Variants in LRP1B observed in about 807,000 individuals in gnomAD.
LRP1B encodes the protein LDL receptor related protein 1B.
Under a neutral mutation model 556.6 loss-of-function variants are expected in LRP1B, and 217 were observed. The ratio of observed to expected loss-of-function variants is 0.39; its 90% CI spans 0.35 to 0.44. The LOEUF is 0.44. LRP1B is among the 20% of genes least tolerant of loss of function. The probability of loss-of-function intolerance (pLI) is 1.00; values close to 1 mark genes in which losing one functional copy is unlikely to be tolerated. For synonymous variants in LRP1B, 2,047 were observed against 1,865.8 expected, an observed-to-expected ratio of 1.10 and a Z score of -2.50; for missense variants, 5,053 against 5,620.8, an observed-to-expected ratio of 0.90 and a Z score of 3.23.
At chr2:140,894,844 G>A (rs1693904115) in intron 23 of LRP1B, among the ~76,000 whole-genome samples, 1 of 151,832 alleles carries the variant, frequency 6.6e-6, no homozygotes, top group South Asian at 2.1e-4. Context: ...TCAGGAGGCT[G>A]AAGGACGAGA....
intron 2 of LRP1B, among the ~76,000 whole-genome samples, chr2:141,724,736 T>C (rs1692965993): frequency 6.6e-6 from 1 of 151,956 alleles, no homozygotes; most frequent in Admixed American, 6.6e-5. Flanking sequence ...AAAGTAAAAA[T>C]GATAACGAGA....
At chr2:141,851,160 G>T (rs138078093) in intron 1 of LRP1B, among the ~76,000 whole-genome samples, 1 of 151,704 alleles carries the variant, frequency 6.6e-6, no homozygotes, top group African/African-American at 2.4e-5. Context: ...AATCACTGGC[G>T]TATATTCATT....
At chr2:140,949,462 C>T (rs1695639286) in intron 20 of LRP1B, among the ~76,000 whole-genome samples, 2 of 152,150 alleles carry the variant, frequency 1.3e-5, no homozygotes, top group African/African-American at 4.8e-5. Flanking sequence ...TAATCTCCTT[C>T]CTTTCTTAGC....
intron 2 of LRP1B, among the ~76,000 whole-genome samples, chr2:141,681,582 T>C (rs1361661717): frequency 6.6e-6 from 1 of 152,154 alleles, no homozygotes; most frequent in East Asian, 1.9e-4. Context: ...TATGTGATAT[T>C]TGGATTTCCT....
chr2:141,387,091 T>C (rs1444833182), intron 3 of LRP1B, among the ~76,000 whole-genome samples: 2 of 151,878 alleles, frequency 1.3e-5, no homozygotes, highest in Non-Finnish European at 2.9e-5. Context: ...AAAAAGACTT[T>C]AACAACCAAT....
At chr2:140,620,215 A>T (rs922485735) in intron 41 of LRP1B, among the ~76,000 whole-genome samples, 1 of 152,188 alleles carries the variant, frequency 6.6e-6, no homozygotes, top group Non-Finnish European at 1.5e-5. Context: ...GTGCAAGGCC[A>T]TTGTCCACTC....
At chr2:141,414,054 G>C (rs974252204) in intron 3 of LRP1B, among the ~76,000 whole-genome samples, 4 of 151,950 alleles carry the variant, frequency 2.6e-5, no homozygotes, top group Non-Finnish European at 5.9e-5. Flanking sequence ...TAGCTAAGAC[G>C]GTGAAAACCT....
chr2:140,695,905 A>C (rs1346039006), intron 41 of LRP1B, among the ~76,000 whole-genome samples: 1 of 152,192 alleles, frequency 6.6e-6, no homozygotes, highest in Non-Finnish European at 1.5e-5. Context: ...CCTGAGGCCA[A>C]AATGTTCATT....
At chr2:141,600,863 A>C (rs2105308326) in intron 2 of LRP1B, among the ~76,000 whole-genome samples, 1 of 152,216 alleles carries the variant, frequency 6.6e-6, no homozygotes, top group East Asian at 1.9e-4. Flanking sequence ...TGCTGTCACA[A>C]GGAAGTGGTT....
At chr2:141,294,842 AT>A (rs1686121523) in intron 3 of LRP1B, among the ~76,000 whole-genome samples, 1 of 151,654 alleles carries the variant, frequency 6.6e-6, no homozygotes, top group Admixed American at 6.6e-5. Flanking sequence ...AATAAGATTT[AT>A]TTCTATTTTC....
At chr2:141,775,594 G>T (rs1005167090) in intron 2 of LRP1B, among the ~76,000 whole-genome samples, 2 of 152,124 alleles carry the variant, frequency 1.3e-5, no homozygotes, top group African/African-American at 4.8e-5. Flanking sequence ...AAATATAGGT[G>T]CACTTGAGGG....
chr2:141,976,718 G>T (rs1485928120), intron 1 of LRP1B, among the ~76,000 whole-genome samples: 1 of 152,076 alleles, frequency 6.6e-6, no homozygotes, highest in Non-Finnish European at 1.5e-5. Flanking sequence ...GCCTAATTCA[G>T]CAATGAATTG....
chr2:141,058,597 C>T (rs1290217169), intron 9 of LRP1B, among the ~76,000 whole-genome samples: 4 of 151,812 alleles, frequency 2.6e-5, no homozygotes, highest in Admixed American at 2.0e-4. Context: ...ATAACTTTAG[C>T]ATCTGGGTTT....
At position 140,525,992 on chromosome 2, in the gene LRP1B, A is replaced by G. The variant is rs199852537; in HGVS notation, c.7878T>C (p.Asn2626=). The change falls in exon 49 of 91, where the codon AAT becomes AAC. Residue 2626 remains asparagine (N), a splice_region_variant and synonymous_variant. Coordinates refer to ENST00000389484, the MANE Select transcript of LRP1B (RefSeq NM_018557.3). The part of the protein sequence containing the change: ...CADASDEKNC[N]NTDCTHFYKL... ...TATAGAAATGTGTGCAGTCTGTGTT[A>G]TCTAGAAGAAGGTAAACAAAAAATG... 9.3e-6 allele frequency: 15 copies of G among 1,611,304 alleles called. No homozygotes were observed. Among genetic ancestry groups the G allele is most frequent in the South Asian group, 1.1e-5 (1 of 90,862 alleles).
At chr2:141,279,353 C>T (rs1685424088) in intron 3 of LRP1B, among the ~76,000 whole-genome samples, 2 of 151,836 alleles carry the variant, frequency 1.3e-5, no homozygotes, top group South Asian at 4.2e-4. Context: ...ATCCTAACAC[C>T]AAGTCTTACA....
At chr2:141,409,251 T>C (rs1036987609) in intron 3 of LRP1B, among the ~76,000 whole-genome samples, 1 of 152,206 alleles carries the variant, frequency 6.6e-6, no homozygotes, top group African/African-American at 2.4e-5. Context: ...TCGGTGACAG[T>C]ATGCACAGCG....
At chr2:140,858,003 T>TA (rs1040709862) in intron 27 of LRP1B, among the ~76,000 whole-genome samples, 1 of 152,160 alleles carries the variant, frequency 6.6e-6, no homozygotes, top group Non-Finnish European at 1.5e-5. Context: ...CACAATATTT[T>TA]AAAAAACCAT....
Position 141,299,348 on chromosome 2 carries a change from A to G in LRP1B, c.344-44707T>C, listed in dbSNP as rs1488939752. 3.3e-5 allele frequency among the ~76,000 whole-genome samples: 5 copies of G among 152,318 alleles called. No homozygotes were observed. In the East Asian group the frequency reaches 9.6e-4, roughly 29 times the overall value. On this transcript the variant is annotated intron_variant, in intron 3 of 90. Coordinates refer to ENST00000389484, the MANE Select transcript of LRP1B (RefSeq NM_018557.3). The stretch of plus-strand genomic sequence containing the variant: ...GAGGACCTCATTTCTTTTGAAGAAT[A>G]TATGTTAAGAATTTTTGATTGTTGT...
At chr2:142,122,845 C>T (rs1707505501) in intron 1 of LRP1B, among the ~76,000 whole-genome samples, 1 of 152,050 alleles carries the variant, frequency 6.6e-6, no homozygotes, top group African/African-American at 2.4e-5. Flanking sequence ...GCTATTCTAA[C>T]ATTTTTGTCC....
Sources: allele counts gnomAD v4.1 joint callset (sites outside exome capture counted in the v4.1 genomes callset), GRCh38; gene constraint gnomAD v4.1.1; transcripts MANE v1.5; gene names NCBI Gene and HGNC (gene_info 2026-07-23, HGNC 2026-07-21).